ITIH6: variants seen among roughly 807,000 people sequenced by gnomAD.
ITIH6 encodes inter-alpha-trypsin inhibitor heavy chain family member 6.
A neutral mutation model predicts 58.2 loss-of-function variants in ITIH6; 60 were observed. That is an observed-to-expected ratio of 1.03 (90% CI 0.84 to 1.28). ITIH6 has a LOEUF of 1.28. Among genes scored for constraint, ITIH6 ranks in the 50% most tolerant of loss-of-function variants. The probability of loss-of-function intolerance (pLI) is 0.00; values close to 1 mark genes in which losing one functional copy is unlikely to be tolerated. For synonymous variants in ITIH6, 493 were observed against 417.4 expected, an observed-to-expected ratio of 1.18 and a Z score of -2.21; for missense variants, 1,290 against 1,021.1, an observed-to-expected ratio of 1.26 and a Z score of -3.59.
intron 6 of ITIH6, among the ~76,000 whole-genome samples, chrX:54,771,799 C>T (rs188859861): frequency 9.0e-6 from 1 of 111,632 alleles, no homozygotes; most frequent in East Asian, 2.8e-4. Context: ...TACCATCTTA[C>T]ACCAGTCAGA....
chrX:54,754,196 A>G (rs1295980399), intron 9 of ITIH6, among the ~76,000 whole-genome samples: 1 of 111,336 alleles, frequency 9.0e-6, no homozygotes, highest in Non-Finnish European at 1.9e-5. Context: ...TTTTCCTGCC[A>G]CCTGGAATGT....
intron 6 of ITIH6, among the ~76,000 whole-genome samples, chrX:54,770,897 A>T (rs1343603798): frequency 1.8e-5 from 2 of 112,061 alleles, no homozygotes; most frequent in East Asian, 5.5e-4. Context: ...TTTATTGGTG[A>T]CAATTCCCAA....
In ITIH6 at chrX:54,757,438, G is replaced by T. The variant is rs751250816; in HGVS notation, c.2636C>A (p.Pro879His). The part of the protein sequence containing the change: ...ISLSKPETPN[P>H]HMPQTPLPPR... Reference sequence around the variant, plus strand: ...AGGTAGTGGGGTTTGAGGCATATGGGGGTTTGGGGTCTCAGGCTTGGAAAG... The same window carrying T: ...AGGTAGTGGGGTTTGAGGCATATGGTGGTTTGGGGTCTCAGGCTTGGAAAG... The change falls in exon 8 of 13, where the codon CCC becomes CAC. Residue 879 changes from proline (P) to histidine (H), a missense_variant. Pro to His is a moderately conservative substitution (Grantham distance 77, BLOSUM62 -2). Coordinates refer to ENST00000218436, the MANE Select transcript of ITIH6 (RefSeq NM_198510.3). 1 of 1,208,334 alleles carries T rather than the reference G, an allele frequency of 8.3e-7. No homozygotes were observed. The highest frequency in any genetic ancestry group is 2.2e-5 in the Admixed American group (1 of 45,650).
rs370253584 is a variant in ITIH6 at position 54,790,928 on chromosome X, G to A, written c.525C>T (p.Ser175=). ...LRPGQLVKRL[S]IEVTVSERTG... ...TCCTTTCTGACACTGTAACCTCTATGCTCAGCCTCTTCACCAATTGGCCAG... is the reference window on the plus strand; with the variant it reads ...TCCTTTCTGACACTGTAACCTCTATACTCAGCCTCTTCACCAATTGGCCAG... Residue 175 remains serine, a synonymous_variant, in exon 4 of 13, where the codon AGC becomes AGT. Coordinates refer to ENST00000218436, the MANE Select transcript of ITIH6 (RefSeq NM_198510.3). 1 of 1,212,141 alleles carries A rather than the reference G, an allele frequency of 8.2e-7. No homozygotes were observed. The highest frequency in any genetic ancestry group is 1.7e-5 in the African/African-American group (1 of 57,914).
intron 5 of ITIH6, among the ~76,000 whole-genome samples, chrX:54,785,494 G>A (rs1929226044): frequency 9.0e-6 from 1 of 110,762 alleles, no homozygotes; most frequent in African/African-American, 3.3e-5. Context: ...CACCTACTGT[G>A]TACCCTCAAA....
intron 6 of ITIH6, 114 bp downstream of exon 6, chrX:54,773,967 C>A: frequency 2.4e-6 from 1 of 422,170 alleles, no homozygotes; most frequent in Non-Finnish European, 4.1e-6. Context: ...CTGTAAGACT[C>A]AAGGGTCATG....
chrX:54,796,450 C>T (rs1929441991), intron 2 of ITIH6, among the ~76,000 whole-genome samples: 2 of 111,204 alleles, frequency 1.8e-5, no homozygotes, highest in Non-Finnish European at 1.9e-5. Context: ...CTTTGGGAGG[C>T]CGAGGTGGGC....
intron 7 of ITIH6, among the ~76,000 whole-genome samples, chrX:54,759,452 A>G (rs975955437): frequency 8.0e-5 from 9 of 112,140 alleles, no homozygotes; most frequent in Middle Eastern, 4.6e-3. Flanking sequence ...GCTTGGAAAT[A>G]AATATCTAGA....
At chrX:54,756,877 T>A (rs765950197) in intron 8 of ITIH6, 88 bp downstream of exon 8, 25 of 523,709 alleles carry the variant, frequency 4.8e-5, no homozygotes, top group Non-Finnish European at 7.3e-5. Flanking sequence ...ATCACTGGAG[T>A]CTGCATAAGC....
chrX:54,783,642 T>C (rs1182705891), intron 5 of ITIH6, among the ~76,000 whole-genome samples: 5 of 111,399 alleles, frequency 4.5e-5, no homozygotes, highest in African/African-American at 1.6e-4. Context: ...AAGTGAAACA[T>C]CTCTATAATG....
intron 6 of ITIH6, among the ~76,000 whole-genome samples, chrX:54,771,260 A>T (rs1750690942): frequency 8.9e-6 from 1 of 112,130 alleles, no homozygotes; most frequent in South Asian, 3.7e-4. Context: ...ATCTATTATT[A>T]CTTCAAGTAT....
In ITIH6 at chrX:54,758,006, A is replaced by G. The variant is rs367900377; in HGVS notation, c.2068T>C (p.Leu690=). The change falls in exon 8 of 13, where the codon TTG becomes CTG. Residue 690 remains leucine (L), a synonymous_variant. Transcript: ENST00000218436. ...GACAGGGTATGAGGGCTCTCTCCCA[A>G]TGGCTCCAGCTCTTTGGAACTTAGC... ...KMLSSKELEP[L]GESPHTLSMP... The G allele has an allele frequency of 5.0e-6, 6 of 1,211,785 alleles. No homozygotes were observed. Among genetic ancestry groups the G allele is most frequent in the Non-Finnish European group, 6.7e-6 (6 of 895,453 alleles).
rs1928542327 is a variant in ITIH6, at chrX:54,758,014, A to G, written c.2060T>C (p.Leu687Pro). The G allele has an allele frequency of 8.3e-7, 1 of 1,211,695 alleles. No individual in the cohort carries two copies. The highest frequency in any genetic ancestry group is 1.7e-5 in the African/African-American group (1 of 57,815). Reference protein sequence around the residue: ...STKKMLSSKELEPLGESPHTL... With the variant: ...STKKMLSSKEPEPLGESPHTL... ...ATGAGGGCTCTCTCCCAATGGCTCCAGCTCTTTGGAACTTAGCATCTTCTT... is the reference window on the plus strand; with the variant it reads ...ATGAGGGCTCTCTCCCAATGGCTCCGGCTCTTTGGAACTTAGCATCTTCTT... The change falls in exon 8 of 13, where the codon CTG becomes CCG. Residue 687 changes from leucine (L) to proline (P), a missense_variant. By Grantham distance (98) the Leu-to-Pro change is moderately conservative. Transcript: ENST00000218436.
In ITIH6 at chrX:54,757,059, C is replaced by A. The variant is rs1480723960; in HGVS notation, c.3015G>T (p.Glu1005Asp). The change falls in exon 8 of 13, where the codon GAG becomes GAT. Residue 1005 changes from glutamate to aspartate, a missense_variant. Coordinates refer to ENST00000218436, the MANE Select transcript of ITIH6 (RefSeq NM_198510.3). ...CCATTGATTCAGACAGCAGCTCTAG[C>A]TCCTCAGGGAGAAGGAGCAGACTGA... is the stretch of plus-strand genomic sequence containing the variant. Reference protein sequence around the residue: ...EAISLLLLPEELELLSESMVE... With the variant: ...EAISLLLLPEDLELLSESMVE... 3 of 1,209,688 alleles carry A rather than the reference C, an allele frequency of 2.5e-6. No homozygotes were observed. Among genetic ancestry groups the A allele is most frequent in the Admixed American group, 2.2e-5 (1 of 45,799 alleles).
At position 54,751,304 on chromosome X, in the gene ITIH6, C is replaced by G. The variant is rs780066907; in HGVS notation, c.3429G>C (p.Gln1143His). 2 of 1,211,846 alleles carry G rather than the reference C, an allele frequency of 1.7e-6. No homozygotes were observed. The highest frequency in any genetic ancestry group is 1.1e-6 in the Non-Finnish European group (1 of 895,456). The change falls in exon 12 of 13, where the codon CAG becomes CAC. Residue 1143 changes from glutamine to histidine, a missense_variant. Gln to His is a conservative substitution (Grantham distance 24). Transcript: ENST00000218436. ...GTTTGTCTGTAGTGACTGTGATGATCTGGAAGTAGGTGCGAGTCTGGTCCT... is the reference window on the plus strand; with the variant it reads ...GTTTGTCTGTAGTGACTGTGATGATGTGGAAGTAGGTGCGAGTCTGGTCCT... Reference protein sequence around the residue: ...GHKDQTRTYFQIITVTTDKPR... With the variant: ...GHKDQTRTYFHIITVTTDKPR...
chrX:54,759,062 C>G (rs1928578979), intron 7 of ITIH6, 64 bp from the exon 8 acceptor site: 1 of 798,691 alleles, frequency 1.3e-6, no homozygotes. Flanking sequence ...TGCAGACACA[C>G]TGGGCACCTC....
At chrX:54,750,631 C>T (rs975960853) in intron 12 of ITIH6, among the ~76,000 whole-genome samples, 1 of 111,643 alleles carries the variant, frequency 9.0e-6, no homozygotes, top group African/African-American at 3.3e-5. Flanking sequence ...CTCATCCTGG[C>T]ATTCAACTCT....
Position 54,751,243 on chromosome X carries a change from T to C in ITIH6, c.3490A>G (p.Ile1164Val), listed in dbSNP as rs1427381167. 4.1e-6 allele frequency: 5 copies of C among 1,210,084 alleles called. No homozygotes were observed. Among genetic ancestry groups the C allele is most frequent in the African/African-American group, 1.7e-5 (1 of 57,214 alleles). ...AYTITISRSS[I>V]SLRGEGTLRL... ...AAGGTACCCTCGCCTCGCAAAGATA[T>C]AGAACTGCGGCTGATGGTGATAGTA... Residue 1164 changes from isoleucine to valine, a missense_variant, in exon 12 of 13, where the codon ATA becomes GTA. Ile to Val is a conservative substitution (Grantham distance 29, BLOSUM62 3). Coordinates refer to ENST00000218436, the MANE Select transcript of ITIH6 (RefSeq NM_198510.3).
chrX:54,783,057 A>T (rs756224652), intron 5 of ITIH6, among the ~76,000 whole-genome samples: 1 of 112,849 alleles, frequency 8.9e-6, no homozygotes, highest in South Asian at 3.7e-4. Context: ...TCAATGTGAT[A>T]CATTATATCA....
Sources: allele counts gnomAD v4.1 joint callset (sites outside exome capture counted in the v4.1 genomes callset), GRCh38; gene constraint gnomAD v4.1.1; transcripts MANE v1.5; gene names NCBI Gene and HGNC (gene_info 2026-07-23, HGNC 2026-07-21).